The following ECHS1 variants were observed in gnomAD, a reference collection of about 807,000 sequenced individuals.
ECHS1 encodes enoyl-CoA hydratase, mitochondrial.
A neutral mutation model predicts 33.5 loss-of-function variants in ECHS1; 19 were observed. That is an observed-to-expected ratio of 0.57 (90% confidence interval 0.40 to 0.83). ECHS1 has a LOEUF of 0.83. Ranked by LOEUF, ECHS1 falls within the 40% of genes least tolerant of loss-of-function variation. The pLI, the probability that ECHS1 is intolerant of heterozygous loss-of-function variation, is 0.00. For missense variants in ECHS1, 365 were observed against 381.3 expected (o/e 0.96, Z 0.36); for synonymous variants, 158 against 146.6 (o/e 1.08, Z -0.56).
Position 133,373,292 on chromosome 10 carries a change from C to A in ECHS1, c.42G>T (p.Pro14=), listed in dbSNP as rs752132371. ...CGGGACAGCGAACCGGGGGCCTCAG[C>A]GGGCCGCGGACGCAGGACAGCAGGA... The part of the protein sequence containing the change: ...LRVLLSCVRG[P]LRPPVRCPAW... The change falls in exon 1 of 8, where the codon CCG becomes CCT. Residue 14 remains proline (P), a synonymous_variant. Coordinates refer to ENST00000368547, the MANE Select transcript of ECHS1 (RefSeq NM_004092.4). The A allele has an allele frequency of 1.3e-6, 2 of 1,481,960 alleles. No homozygotes were observed. The highest frequency in any genetic ancestry group is 1.3e-5 in the South Asian group (1 of 77,590). The allele number at this position is 1,481,960 out of a possible 1,614,324, so 91.8% of individuals were successfully genotyped here. A position where few individuals can be genotyped will look rare whatever the true frequency, so the allele number is the denominator to read the frequency against.
intron 2 of ECHS1, 108 bp downstream of exon 2, chr10:133,370,446 CCAGTCG>C (rs1355041374): frequency 1.7e-6 from 2 of 1,166,274 alleles, no homozygotes; most frequent in Non-Finnish European, 2.3e-6. Flanking sequence ...GAGGAAGTCC[CCAGTCG>C]CATGCCTCTG....
chr10:133,365,794 C>T (rs1179389316), intron 6 of ECHS1, among the ~76,000 whole-genome samples, 182 bp downstream of exon 6: 4 of 152,110 alleles, frequency 2.6e-5, no homozygotes, highest in Non-Finnish European at 5.9e-5. Flanking sequence ...AACATCTCAG[C>T]GGAGTTCCTG....
chr10:133,372,626 C>T (rs567121411), intron 1 of ECHS1, among the ~76,000 whole-genome samples: 6 of 150,560 alleles, frequency 4.0e-5, no homozygotes, highest in Admixed American at 3.3e-4. Flanking sequence ...AGCCAGCCGC[C>T]GGGCCTCCCG....
At chr10:133,363,353 GCGCACA>G (rs754599749) in intron 7 of ECHS1, among the ~76,000 whole-genome samples, 135 of 130,406 alleles carry the variant, frequency 1.0e-3, no homozygotes, top group African/African-American at 2.7e-3. Context: ...GTGTGCGCGC[GCGCACA>G]CACACACACA....
intron 4 of ECHS1, among the ~76,000 whole-genome samples, chr10:133,367,422 G>A (rs1039223553): frequency 1.3e-5 from 2 of 151,372 alleles, no homozygotes; most frequent in African/African-American, 4.9e-5. Flanking sequence ...CGGGTATAGG[G>A]TCAGGTGCTG....
In ECHS1 at chr10:133,366,877, C is replaced by A. The variant is rs367671117; in HGVS notation, c.619+12G>T. 9 of 1,605,576 alleles carry A rather than the reference C, an allele frequency of 5.6e-6. No individual in the cohort carries two copies. Among genetic ancestry groups the A allele is most frequent in the Non-Finnish European group, 6.8e-6 (8 of 1,176,186 alleles). ...TTTCCAGGTGGCTCTTGCGGGCAGCCCCAACCCATACCTGCTTGCTTGGCG... is the reference window on the plus strand; with the variant it reads ...TTTCCAGGTGGCTCTTGCGGGCAGCACCAACCCATACCTGCTTGCTTGGCG... On this transcript the variant is annotated intron_variant, in intron 5 of 7. Transcript: ENST00000368547.
At chr10:133,370,295 C>A (rs891426412) in intron 2 of ECHS1, among the ~76,000 whole-genome samples, 1 of 152,238 alleles carries the variant, frequency 6.6e-6, no homozygotes, top group Non-Finnish European at 1.5e-5. Flanking sequence ...GGGCATAAGC[C>A]CTTGACACAC....
At chr10:133,367,015 G>A (rs1382411435) in intron 4 of ECHS1, 22 bp from the exon 5 acceptor site, 2 of 1,588,064 alleles carry the variant, frequency 1.3e-6, no homozygotes, top group African/African-American at 1.3e-5. Context: ...GGCTGGTCAT[G>A]GCTGGCACTG....
intron 7 of ECHS1, among the ~76,000 whole-genome samples, chr10:133,363,232 A>G (rs1458535682): frequency 6.6e-6 from 1 of 152,208 alleles, no homozygotes; most frequent in Non-Finnish European, 1.5e-5. Context: ...TCACCATGTC[A>G]TCAACTGGAT....
intron 6 of ECHS1, among the ~76,000 whole-genome samples, chr10:133,365,330 G>A (rs1425739080): frequency 6.6e-6 from 1 of 152,216 alleles, no homozygotes. Flanking sequence ...TCAAGCCAAC[G>A]GCAAGCCCGG....
In ECHS1 at chr10:133,365,968, T is replaced by A. The variant is rs754023167; in HGVS notation, c.739+8A>T. On this transcript the variant is annotated splice_region_variant and intron_variant, in intron 6 of 7. Coordinates refer to ENST00000368547, the MANE Select transcript of ECHS1 (RefSeq NM_004092.4). ...ACCTCTCCAGTGTCTTCCTGGCAGA[T>A]CCCCTACCTGCATTCACTGATTCTT... 8.1e-6 allele frequency: 13 copies of A among 1,613,646 alleles called. No individual in the cohort carries two copies. In the African/African-American group the frequency reaches 1.7e-4, roughly 21 times the overall value.
chr10:133,362,901 C>T lies in ECHS1; in HGVS notation c.840G>A (p.Val280=). 2.5e-6 allele frequency: 4 copies of T among 1,614,176 alleles called. No homozygotes were observed. The highest frequency in any genetic ancestry group is 3.4e-6 in the Non-Finnish European group (4 of 1,180,044). Residue 280 remains valine, a synonymous_variant, in exon 8 of 8, where the codon GTG becomes GTA. Coordinates refer to ENST00000368547, the MANE Select transcript of ECHS1 (RefSeq NM_004092.4). ...DDRKEGMTAF[V]EKRKANFKDQ ...CTTTGAAGTTGGCCTTTCTCTTTTC[C>T]ACAAACGCGGTCATCCCTTCTTTCC... is the stretch of plus-strand genomic sequence containing the variant.
At position 133,368,272 on chromosome 10, in the gene ECHS1, T is replaced by C. The variant is rs192716401; in HGVS notation, c.514+651A>G. On this transcript the variant is annotated intron_variant, in intron 4 of 7. Coordinates refer to ENST00000368547, the MANE Select transcript of ECHS1 (RefSeq NM_004092.4). Reference sequence around the variant, plus strand: ...CCTGACCCCAGGCACTGGTCCCTTATAGTAGCAGCTGTTCTAGGGATCAGA... The same window carrying C: ...CCTGACCCCAGGCACTGGTCCCTTACAGTAGCAGCTGTTCTAGGGATCAGA... Among the ~76,000 whole-genome samples the C allele has an allele frequency of 4.6e-5, 7 of 152,220 alleles. No individual in the cohort carries two copies. The East Asian group carries it at 1.4e-3, about 29-fold the overall frequency.
rs1309897274 is a variant in ECHS1 at position 133,373,256 on chromosome 10, G to A, written c.78C>T (p.Pro26=). 6.9e-7 allele frequency: 1 copy of A among 1,442,376 alleles called. No individual in the cohort carries two copies. Among genetic ancestry groups the A allele is most frequent in the Non-Finnish European group, 9.0e-7 (1 of 1,106,506 alleles). 89.3% of individuals were successfully genotyped at this position (1,442,376 alleles called of 1,614,324 possible). Residue 26 remains proline (P), a synonymous_variant, in exon 1 of 8, where the codon CCC becomes CCT. Transcript: ENST00000368547. Reference sequence around the variant, plus strand: ...TCACCGCGCACTCACCCGAGGCGAAGGGACGCCAGGCGGGACAGCGAACCG... The same window carrying A: ...TCACCGCGCACTCACCCGAGGCGAAAGGACGCCAGGCGGGACAGCGAACCG... ...RPPVRCPAWR[P]FASGANFEYI... is the part of the protein sequence containing the mutation.
intron 4 of ECHS1, among the ~76,000 whole-genome samples, chr10:133,368,559 C>T (rs1849062848): frequency 6.6e-6 from 1 of 152,152 alleles, no homozygotes; most frequent in South Asian, 2.1e-4. Context: ...ATGTGACCTC[C>T]ATGGCCAGTG....
chr10:133,364,833 A>G, intron 6 of ECHS1, 108 bp from the exon 7 acceptor site: 1 of 859,164 alleles, frequency 1.2e-6, no homozygotes, highest in Non-Finnish European at 1.9e-6. Flanking sequence ...TGTGCTTTCG[A>G]CGTGGCCCAG....
chr10:133,370,788 T>G (rs200838600), intron 1 of ECHS1, 31 bp from the exon 2 acceptor site: 1 of 1,590,124 alleles, frequency 6.3e-7, no homozygotes, highest in East Asian at 2.2e-5. Flanking sequence ...GGGGTATCTA[T>G]TCACACAGGT....
At chr10:133,367,040 A>G (rs1589881197) in intron 4 of ECHS1, 47 bp from the exon 5 acceptor site, 2 of 1,480,268 alleles carry the variant, frequency 1.4e-6, no homozygotes, top group Non-Finnish European at 1.9e-6. Context: ...GAGTGAACCC[A>G]AGAAGACATC....
rs1161776909 is a variant in ECHS1, at chr10:133,367,234, C to CT, written c.515-242dup. ...ATTACCTAGGTGCCGAGGCAAGAGA[C>CT]TGAAGGCACAAACTGTTTCGGTATA... is the stretch of plus-strand genomic sequence containing the variant. On this transcript the variant is annotated intron_variant, in intron 4 of 7. Transcript: ENST00000368547. Among the ~76,000 whole-genome samples the CT allele has an allele frequency of 4.6e-5, 7 of 152,126 alleles. No homozygotes were observed. The East Asian group carries it at 1.2e-3, about 25-fold the overall frequency.
Sources: allele counts gnomAD v4.1 joint callset (sites outside exome capture counted in the v4.1 genomes callset), GRCh38; gene constraint gnomAD v4.1.1; transcripts MANE v1.5; gene names NCBI Gene and HGNC (gene_info 2026-07-23, HGNC 2026-07-21).